TSPOAP1: variants seen among roughly 807,000 people sequenced by gnomAD.
The protein encoded by TSPOAP1 is TSPO associated protein 1.
In TSPOAP1, 87 loss-of-function variants were observed where a neutral mutation model predicts 197.0. The ratio of observed to expected loss-of-function variants is 0.44; its 90% CI spans 0.37 to 0.53. The LOEUF is 0.53. Ranked by LOEUF, TSPOAP1 falls within the 20% of genes least tolerant of loss-of-function variation. The pLI is 0.00. For synonymous variants in TSPOAP1, 913 were observed against 998.9 expected (o/e 0.91, Z 1.62); for missense variants, 2,174 against 2,411.3 (o/e 0.90, Z 2.06).
chr17:58,326,222 C>G lies in TSPOAP1; in HGVS notation c.570+71G>C. The G allele has an allele frequency of 6.3e-7, 1 of 1,589,212 alleles. No homozygotes were observed. Among genetic ancestry groups the G allele is most frequent in the South Asian group, 1.1e-5 (1 of 87,464 alleles). On this transcript the variant is annotated intron_variant, in intron 3 of 31. Transcript: ENST00000343736. The surrounding 1 kb of genome is among the most constrained non-coding windows in gnomAD (Gnocchi z 4.7). ...ACCGTGACTCCCAAGCTTCAGACAG[C>G]CCTCAGGCCCAGCCCTGGCTCCCCT...
At position 58,305,978 on chromosome 17, in the gene TSPOAP1, G is replaced by A. The variant is rs1187790811; in HGVS notation, c.5225-113C>T. The A allele has an allele frequency of 1.5e-5, 19 of 1,236,700 alleles. No individual in the cohort carries two copies. The East Asian group carries it at 4.3e-4, about 28-fold the overall frequency. 76.6% of individuals were successfully genotyped at this position (1,236,700 alleles called of 1,614,324 possible). A position where few individuals can be genotyped will look rare whatever the true frequency, so the allele number is the denominator to read the frequency against. On this transcript the variant is annotated intron_variant, in intron 26 of 31. Transcript: ENST00000343736. ...CACAAGGAGGCAGGCAAGGAAGGCTGCCGAGGGCGCATCTCCCCAACCCTT... is the reference window on the plus strand; with the variant it reads ...CACAAGGAGGCAGGCAAGGAAGGCTACCGAGGGCGCATCTCCCCAACCCTT...
In TSPOAP1 at chr17:58,322,369, T is replaced by A; in HGVS notation, c.1361A>T (p.Glu454Val). The stretch of plus-strand genomic sequence containing the variant: ...TAGGCTGAGCCGAGCCTGTTCATGC[T>A]CCACCTCCAGCTGCTGCCGCCGCTG... Reference protein sequence around the residue: ...VAQRRQQLEVEHEQARLSLRE... With the variant: ...VAQRRQQLEVVHEQARLSLRE... Residue 454 changes from glutamate to valine, a missense_variant, in exon 10 of 32, where the codon GAG becomes GTG. Physicochemically the swap from Glu to Val is moderately radical, Grantham distance 121. Transcript: ENST00000343736. The surrounding 1 kb of genome is among the most constrained non-coding windows in gnomAD (Gnocchi z 5.0). 6.2e-7 allele frequency: 1 copy of A among 1,606,212 alleles called. No individual in the cohort carries two copies. Among genetic ancestry groups the A allele is most frequent in the East Asian group, 2.2e-5 (1 of 44,876 alleles).
intron 18 of TSPOAP1, 110 bp from the exon 19 acceptor site, chr17:58,311,323 G>A (rs893916006): frequency 1.2e-5 from 18 of 1,453,390 alleles, no homozygotes; most frequent in Non-Finnish European, 1.5e-5. Flanking sequence ...CTAGCATTAC[G>A]CCAGGTACTG....
intron 10 of TSPOAP1, among the ~76,000 whole-genome samples, chr17:58,321,282 C>A (rs1407119380): frequency 2.0e-5 from 3 of 150,796 alleles, no homozygotes; most frequent in Non-Finnish European, 4.4e-5. Context: ...TGGAATCCCA[C>A]GGGGATCCTT....
Position 58,325,009 on chromosome 17 carries a change from T to G in TSPOAP1, c.751-7A>C. ...GGAGCCACTGGGGACCCTCCTGAGG[T>G]TGGGGGACAGGGACAGGGAGGGGAC... On this transcript the variant is annotated splice_polypyrimidine_tract_variant and splice_region_variant and intron_variant, in intron 4 of 31. Transcript: ENST00000343736. 6.6e-7 allele frequency: 1 copy of G among 1,520,742 alleles called. No homozygotes were observed. Among genetic ancestry groups the G allele is most frequent in the Non-Finnish European group, 8.8e-7 (1 of 1,132,790 alleles). 94.2% of individuals were successfully genotyped at this position (1,520,742 alleles called of 1,614,324 possible). A position where few individuals can be genotyped will look rare whatever the true frequency, so the allele number is the denominator to read the frequency against.
At chr17:58,319,425 C>G in intron 12 of TSPOAP1, 131 bp from the exon 13 acceptor site, 1 of 1,050,746 alleles carries the variant, frequency 9.5e-7, no homozygotes, top group Admixed American at 2.7e-5. Context: ...TGGGCACCAG[C>G]CTTGCCTTGG....
intron 31 of TSPOAP1, chr17:58,302,661 T>A (rs1466396805): frequency 4.1e-6 from 1 of 242,108 alleles, no homozygotes; most frequent in African/African-American, 2.4e-5. Flanking sequence ...AAGCTGGGAG[T>A]CCCAGGGGAT....
In TSPOAP1 at chr17:58,324,471, C is replaced by A. The variant is rs1971506126; in HGVS notation, c.942+340G>T. ...GCTCTACGGCGGCGGCGGGAGGAGGCGGCGCGGGCTGGGCCCCGGGCGGCT... is the reference window on the plus strand; with the variant it reads ...GCTCTACGGCGGCGGCGGGAGGAGGAGGCGCGGGCTGGGCCCCGGGCGGCT... On this transcript the variant is annotated intron_variant, in intron 5 of 31. Transcript: ENST00000343736. This position sits in a 1 kb window ranked among gnomAD's most constrained non-coding sequence, Gnocchi z 5.8. Among the ~76,000 whole-genome samples, 1 of 151,762 alleles carries A rather than the reference C, an allele frequency of 6.6e-6. No homozygotes were observed. The highest frequency in any genetic ancestry group is 1.5e-5 in the Non-Finnish European group (1 of 67,904).
In TSPOAP1 at chr17:58,305,144, C is replaced by G. The variant is rs1970839993; in HGVS notation, c.5461G>C (p.Val1821Leu). 1 of 1,613,912 alleles carries G rather than the reference C, an allele frequency of 6.2e-7. No individual in the cohort carries two copies. Among genetic ancestry groups the G allele is most frequent in the Non-Finnish European group, 8.5e-7 (1 of 1,179,862 alleles). The change falls in exon 30 of 32, where the codon GTT (valine) becomes CTT (leucine). Residue 1821 changes from valine to leucine, a missense_variant. Coordinates refer to ENST00000343736, the MANE Select transcript of TSPOAP1 (RefSeq NM_004758.4). ...GGGCCCTCCAGGAAGTTGGATGGAA[C>G]CAGGCCCCTTTGTCCATTTAATTCC... ...YGELNGQRGLVPSNFLEGPGP... is the reference protein window; with the variant it reads ...YGELNGQRGLLPSNFLEGPGP...
chr17:58,322,866 G>T lies in TSPOAP1; in HGVS notation c.1194+84C>A, dbSNP rs1455715789. On this transcript the variant is annotated intron_variant, in intron 8 of 31. Transcript: ENST00000343736. This position sits in a 1 kb window ranked among gnomAD's most constrained non-coding sequence, Gnocchi z 5.0. ...GGGAACAGTACCCTACCCCTGCTCA[G>T]GGGTGGAGGAGAAAGCCCCTTGGCT... is the stretch of plus-strand genomic sequence containing the variant. The T allele has an allele frequency of 6.2e-7, 1 of 1,603,706 alleles. No homozygotes were observed. The highest frequency in any genetic ancestry group is 2.2e-5 in the East Asian group (1 of 44,642).
Position 58,327,903 on chromosome 17 carries a change from G to A in TSPOAP1, c.18C>T (p.Thr6=). 1 of 1,601,194 alleles carries A rather than the reference G, an allele frequency of 6.2e-7. No individual in the cohort carries two copies. Among genetic ancestry groups the A allele is most frequent in the South Asian group, 1.1e-5 (1 of 90,772 alleles). Residue 6 remains threonine (T), a synonymous_variant, in exon 1 of 32, where the codon ACC becomes ACT. Transcript: ENST00000343736. ...CTCCAGGGTCCCCAGGCCGTGGGAG[G>A]GTTGTCAGTTGCTCCATGGTACTGC... The part of the protein sequence containing the change: MEQLT[T]LPRPGDPGAM...
At position 58,309,705 on chromosome 17, in the gene TSPOAP1, C is replaced by T. The variant is rs558081375; in HGVS notation, c.3891+262G>A. On this transcript the variant is annotated intron_variant, in intron 21 of 31. Transcript: ENST00000343736. This position sits in a 1 kb window ranked among gnomAD's most constrained non-coding sequence, Gnocchi z 5.0. ...CCAGCACAAGGATCTTAGGTGGCAC[C>T]GGCCTCCCCTGGCCAGGGCGCTGTA... Among the ~76,000 whole-genome samples the T allele has an allele frequency of 4.6e-5, 7 of 152,312 alleles. No individual in the cohort carries two copies. Among genetic ancestry groups the T allele is most frequent in the East Asian group, 1.9e-4 (1 of 5,188 alleles).
chr17:58,322,191 C>T lies in TSPOAP1; in HGVS notation c.1422+117G>A. On this transcript the variant is annotated intron_variant, in intron 10 of 31. Coordinates refer to ENST00000343736, the MANE Select transcript of TSPOAP1 (RefSeq NM_004758.4). This position sits in a 1 kb window ranked among gnomAD's most constrained non-coding sequence, Gnocchi z 5.0. ...ACTGCTCAGGGACCTGGTCTTTGTT[C>T]CCCACAGTCTCCCCGACGCCTAGCA... 1 of 1,033,714 alleles carries T rather than the reference C, an allele frequency of 9.7e-7. No individual in the cohort carries two copies. The highest frequency in any genetic ancestry group is 1.4e-6 in the Non-Finnish European group (1 of 703,752). The allele number at this position is 1,033,714 out of a possible 1,614,324, so 64.0% of individuals were successfully genotyped here.
At chr17:58,325,167 C>A (rs902412012) in intron 4 of TSPOAP1, among the ~76,000 whole-genome samples, 165 bp from the exon 5 acceptor site, 18 of 152,172 alleles carry the variant, frequency 1.2e-4, no homozygotes, top group Non-Finnish European at 2.4e-4. Flanking sequence ...GCGTATGTGG[C>A]CACATGCTCC....
In TSPOAP1 at chr17:58,322,727, T is replaced by A. The variant is rs1055441872; in HGVS notation, c.1244A>T (p.Gln415Leu). The change falls in exon 9 of 32, where the codon CAG becomes CTG. Residue 415 changes from glutamine to leucine, a missense_variant. By Grantham distance (113) the Gln-to-Leu change is moderately radical. This residue lies in a region of TSPOAP1 where 1,933 missense variants were observed against 2,139.0 expected (regional missense o/e 0.90). Coordinates refer to ENST00000343736, the MANE Select transcript of TSPOAP1 (RefSeq NM_004758.4). This position sits in a 1 kb window ranked among gnomAD's most constrained non-coding sequence, Gnocchi z 5.0. ...ELRGQLLGVT[Q>L]ERDSALRKSQ... is the part of the protein sequence containing the mutation. ...CTTGCGAAGGGCTGAGTCCCTCTCC[T>A]GTGTCACCCCCAGGAGCTGGCCCCT... 6.2e-7 allele frequency: 1 copy of A among 1,612,882 alleles called. No individual in the cohort carries two copies. Among genetic ancestry groups the A allele is most frequent in the Non-Finnish European group, 8.5e-7 (1 of 1,179,984 alleles).
At chr17:58,308,042 G>T in intron 22 of TSPOAP1, 101 bp from the exon 23 acceptor site, 6 of 1,185,876 alleles carry the variant, frequency 5.1e-6, no homozygotes, top group Non-Finnish European at 5.9e-6. Flanking sequence ...GCACAGCAGC[G>T]CAGGAGCACA....
rs61754146 is a variant in TSPOAP1, at chr17:58,309,196, G to C, written c.4076C>G (p.Pro1359Arg). 6.2e-7 allele frequency: 1 copy of C among 1,613,904 alleles called. No homozygotes were observed. The highest frequency in any genetic ancestry group is 1.7e-5 in the Admixed American group (1 of 60,010). Reference protein sequence around the residue: ...GAGCSSRDPGPPEPALLGLGC... With the variant: ...GAGCSSRDPGRPEPALLGLGC... ...CAGCCCCAGCAATGCAGGTTCAGGC[G>C]GGCCAGGGTCTCGGGAAGAACAGCC... The change falls in exon 22 of 32, where the codon CCG becomes CGG. Residue 1359 changes from proline to arginine, a missense_variant. Pro to Arg is a moderately radical substitution (Grantham distance 103). Transcript: ENST00000343736. This position sits in a 1 kb window ranked among gnomAD's most constrained non-coding sequence, Gnocchi z 5.0.
intron 1 of TSPOAP1, 96 bp downstream of exon 1, chr17:58,327,492 T>G: frequency 1.6e-6 from 2 of 1,259,220 alleles, no homozygotes; most frequent in Non-Finnish European, 2.2e-6. Context: ...CAGGTGGGCA[T>G]TGGGGATGCA....
At chr17:58,311,540 C>T (rs1373635164) in intron 18 of TSPOAP1, 31 bp downstream of exon 18, 1 of 1,527,944 alleles carries the variant, frequency 6.5e-7, no homozygotes, top group African/African-American at 1.4e-5. Flanking sequence ...GACCCACCCC[C>T]ACTCCCAGGG....
Sources: gnomAD v4.1 joint callset for allele counts (sites outside exome capture counted in the v4.1 genomes callset) on GRCh38, gnomAD v4.1.1 for gene constraint, gnomAD v4.1.1 regional missense constraint, Gnocchi (gnomAD v3.1) non-coding constraint, MANE v1.5 for transcripts, NCBI Gene and HGNC (gene_info 2026-07-23, HGNC 2026-07-21) for gene names.